KLHDC10: variants seen among roughly 807,000 people sequenced by gnomAD.
KLHDC10 encodes the protein kelch domain containing 10.
KLHDC10 carries 24 observed loss-of-function variants against 56.1 expected under a neutral mutation model. The ratio of observed to expected loss-of-function variants is 0.43; its 90% CI spans 0.31 to 0.60. The LOEUF (loss-of-function observed/expected upper bound fraction) is 0.60. Ranked by LOEUF, KLHDC10 falls within the 20% of genes least tolerant of loss-of-function variation. The probability of loss-of-function intolerance (pLI) is 0.11; values close to 1 mark genes in which losing one functional copy is unlikely to be tolerated. For missense variants in KLHDC10, 349 were observed against 567.0 expected (o/e 0.62, Z 3.91); for synonymous variants, 188 against 207.1 (o/e 0.91, Z 0.79).
At chr7:130,102,847 CAAAAA>C (rs1795951859) in intron 2 of KLHDC10, among the ~76,000 whole-genome samples, 1 of 151,660 alleles carries the variant, frequency 6.6e-6, no homozygotes, top group African/African-American at 2.4e-5. Context: ...CAAAACAAAA[CAAAAA>C]ACGCTTCCAT....
chr7:130,086,486 C>T (rs1009463013), intron 1 of KLHDC10, among the ~76,000 whole-genome samples: 1 of 152,184 alleles, frequency 6.6e-6, no homozygotes, highest in East Asian at 1.9e-4. Flanking sequence ...GTCTGTCTCC[C>T]TAGCAGTGCC....
chr7:130,133,261 A>G lies in KLHDC10; in HGVS notation c.*2515A>G, dbSNP rs1193325308. On this transcript the variant is annotated 3_prime_UTR_variant, in exon 10 of 10. Transcript: ENST00000335420. Reference sequence around the variant, plus strand: ...GGTCATCAGGCGTTTCGGTATACCTATAACCAGCACTCGGAATTCCTGACA... The same window carrying G: ...GGTCATCAGGCGTTTCGGTATACCTGTAACCAGCACTCGGAATTCCTGACA... The G allele has an allele frequency of 6.6e-6, 1 of 152,230 alleles. No individual in the cohort carries two copies. Among genetic ancestry groups the G allele is most frequent in the Non-Finnish European group, 1.5e-5 (1 of 68,046 alleles). The allele number at this position is 152,230 out of a possible 1,614,324, so 9.4% of individuals were successfully genotyped here.
At chr7:130,095,064 G>A (rs1288253724) in intron 1 of KLHDC10, 2 of 152,000 alleles carry the variant, frequency 1.3e-5, no homozygotes, top group African/African-American at 2.4e-5. Flanking sequence ...AAACTTAAGG[G>A]CAAGGGAAGT....
intron 2 of KLHDC10, among the ~76,000 whole-genome samples, chr7:130,115,365 A>G (rs924856837): frequency 3.3e-5 from 5 of 152,172 alleles, no homozygotes; most frequent in African/African-American, 9.7e-5. Flanking sequence ...AAACTACAAT[A>G]AAGTTTTTTG....
At chr7:130,080,702 A>G (rs534132333) in intron 1 of KLHDC10, among the ~76,000 whole-genome samples, 2 of 151,998 alleles carry the variant, frequency 1.3e-5, no homozygotes, top group African/African-American at 2.4e-5. Context: ...CAGACCAATT[A>G]TATCATTCTT....
intron 2 of KLHDC10, among the ~76,000 whole-genome samples, chr7:130,111,696 G>A (rs1314885317): frequency 1.3e-5 from 2 of 152,066 alleles, no homozygotes; most frequent in African/African-American, 2.4e-5. Context: ...CACTCAGCCT[G>A]AGCGACAGAG....
chr7:130,093,702 A>ATG (rs926689045), intron 1 of KLHDC10, among the ~76,000 whole-genome samples: 10 of 152,146 alleles, frequency 6.6e-5, no homozygotes, highest in African/African-American at 2.4e-4. Context: ...TCACACTGTT[A>ATG]TGTTGCTGGT....
chr7:130,079,703 T>C (rs1563096256), intron 1 of KLHDC10, among the ~76,000 whole-genome samples: 1 of 145,428 alleles, frequency 6.9e-6, no homozygotes, highest in East Asian at 1.9e-4. Context: ...ATTTCAAAGC[T>C]TGCCTGCCTG....
chr7:130,116,680 G>T lies in KLHDC10; in HGVS notation c.475+14G>T, dbSNP rs373856489. 1.3e-6 allele frequency: 2 copies of T among 1,594,700 alleles called. No homozygotes were observed. Among genetic ancestry groups the T allele is most frequent in the Non-Finnish European group, 1.7e-6 (2 of 1,162,868 alleles). On this transcript the variant is annotated intron_variant, in intron 3 of 9. Transcript: ENST00000335420. This position sits in a 1 kb window ranked among gnomAD's most constrained non-coding sequence, Gnocchi z 4.8. ...CATCTATGTCACGTGAGTGCAAGCA[G>T]TTCGTAACTCCTGACTTTATGAAAT...
intron 1 of KLHDC10, among the ~76,000 whole-genome samples, chr7:130,081,678 C>T (rs1563096815): frequency 6.6e-6 from 1 of 152,162 alleles, no homozygotes; most frequent in Non-Finnish European, 1.5e-5. Flanking sequence ...TTATTTAGAT[C>T]TTGAATTTAT....
intron 3 of KLHDC10, among the ~76,000 whole-genome samples, chr7:130,117,030 A>G (rs995257451): frequency 2.6e-5 from 4 of 152,230 alleles, no homozygotes; most frequent in Non-Finnish European, 5.9e-5. Flanking sequence ...TCCTGGGTTT[A>G]GTTTCAAACC....
intron 8 of KLHDC10, among the ~76,000 whole-genome samples, chr7:130,128,223 A>C (rs1407205559): frequency 1.3e-5 from 2 of 152,204 alleles, no homozygotes; most frequent in Non-Finnish European, 1.5e-5. Context: ...GTGAGAATGG[A>C]ACTGTACTTT....
intron 2 of KLHDC10, among the ~76,000 whole-genome samples, chr7:130,115,452 G>A (rs759477261): frequency 1.3e-5 from 2 of 151,672 alleles, no homozygotes; most frequent in Non-Finnish European, 2.9e-5. Context: ...GCAGTAGCTC[G>A]TACCTGTAAT....
intron 7 of KLHDC10, among the ~76,000 whole-genome samples, chr7:130,126,511 A>G (rs1191189534): frequency 6.6e-6 from 1 of 151,990 alleles, no homozygotes; most frequent in East Asian, 1.9e-4. Flanking sequence ...CCCCATCTCT[A>G]CTAAAAATGT....
chr7:130,106,259 T>G (rs925816762), intron 2 of KLHDC10, among the ~76,000 whole-genome samples: 1 of 152,244 alleles, frequency 6.6e-6, no homozygotes, highest in Non-Finnish European at 1.5e-5. Flanking sequence ...AGATCCTGCC[T>G]CACATCTTCA....
rs1796427339 is a variant in KLHDC10 at position 130,133,437 on chromosome 7, C to T, written c.*2691C>T. On this transcript the variant is annotated 3_prime_UTR_variant, in exon 10 of 10. Coordinates refer to ENST00000335420, the MANE Select transcript of KLHDC10 (RefSeq NM_014997.4). ...TTATATATAGGGTGTAACTATAAAG[C>T]AGGTAGACTACTTTTTTGCATCTTG... 2.0e-5 allele frequency: 3 copies of T among 152,184 alleles called. No individual in the cohort carries two copies. Among genetic ancestry groups the T allele is most frequent in the African/African-American group, 7.2e-5 (3 of 41,438 alleles). 9.4% of individuals were successfully genotyped at this position (152,184 alleles called of 1,614,324 possible). A position where few individuals can be genotyped will look rare whatever the true frequency, so the allele number is the denominator to read the frequency against.
intron 1 of KLHDC10, among the ~76,000 whole-genome samples, chr7:130,080,747 G>A (rs1384162362): frequency 6.6e-6 from 1 of 151,954 alleles, no homozygotes; most frequent in Non-Finnish European, 1.5e-5. Context: ...TATCTTTTGG[G>A]GGTAGCTTTG....
intron 5 of KLHDC10, among the ~76,000 whole-genome samples, chr7:130,122,676 C>T (rs4728184): frequency 0.12 from 18,318 of 152,096 alleles, 1,297 homozygotes; most frequent in East Asian, 0.31. Flanking sequence ...CAGCCCTCCG[C>T]CCAAGTAGCT....
intron 2 of KLHDC10, among the ~76,000 whole-genome samples, chr7:130,105,188 A>G (rs1272814884): frequency 1.3e-5 from 2 of 152,230 alleles, no homozygotes; most frequent in African/African-American, 4.8e-5. Flanking sequence ...TTTTGAAAAC[A>G]TTTTGGCTTT....
Sources: gnomAD v4.1 joint callset for allele counts (sites outside exome capture counted in the v4.1 genomes callset) on GRCh38, gnomAD v4.1.1 for gene constraint, Gnocchi (gnomAD v3.1) non-coding constraint, MANE v1.5 for transcripts, NCBI Gene and HGNC (gene_info 2026-07-23, HGNC 2026-07-21) for gene names.